LUZP2: variants seen among roughly 807,000 people sequenced by gnomAD.
LUZP2 encodes leucine zipper protein 2.
Under a neutral mutation model 51.6 loss-of-function variants are expected in LUZP2, and 52 were observed. That is an observed-to-expected ratio of 1.01 (90% CI 0.81 to 1.27). The LOEUF (loss-of-function observed/expected upper bound fraction) is 1.27. Ranked by LOEUF, LUZP2 falls within the 50% of genes most tolerant of loss-of-function variation. LUZP2 has a pLI of 0.00. For missense variants in LUZP2, 436 were observed against 395.4 expected, an observed-to-expected ratio of 1.10 and a Z score of -0.87; for synonymous variants, 154 against 137.3, an observed-to-expected ratio of 1.12 and a Z score of -0.85.
At chr11:24,898,553 G>C (rs111846028) in intron 5 of LUZP2, among the ~76,000 whole-genome samples, 3 of 151,926 alleles carry the variant, frequency 2.0e-5, no homozygotes, top group Admixed American at 6.6e-5. Flanking sequence ...AACTTGGGAA[G>C]CAGAGCTTAC....
rs776582449 is a variant in LUZP2, at chr11:24,611,003, GAT to G, written c.62+113701_62+113702del. Among the ~76,000 whole-genome samples the G allele has an allele frequency of 2.0e-5, 3 of 152,028 alleles. No individual in the cohort carries two copies. The highest frequency in any genetic ancestry group is 4.4e-5 in the Non-Finnish European group (3 of 68,014). ...GATTAAACCAGAGTTATACCTACAT[GAT>G]ATGTTTTAGGTCTTAAATTGTTATA... On this transcript the variant is annotated intron_variant, in intron 1 of 11. Coordinates refer to ENST00000336930, the MANE Select transcript of LUZP2 (RefSeq NM_001009909.4). The surrounding 1 kb of genome is among the most constrained non-coding windows in gnomAD (Gnocchi z 4.6).
intron 9 of LUZP2, among the ~76,000 whole-genome samples, chr11:25,008,565 T>G (rs562049820): frequency 4.4e-4 from 67 of 152,308 alleles, no homozygotes; most frequent in African/African-American, 1.6e-3. Flanking sequence ...CAGCAGCTTT[T>G]TATTCCCTGT....
chr11:24,596,829 A>G (rs12292743), intron 1 of LUZP2, among the ~76,000 whole-genome samples: 12,488 of 152,196 alleles, frequency 0.082, 1,517 homozygotes, highest in African/African-American at 0.26. Flanking sequence ...TCACAGGAAT[A>G]ATCTGCTATT....
intron 5 of LUZP2, among the ~76,000 whole-genome samples, chr11:24,826,157 C>T (rs1479213807): frequency 6.4e-4 from 72 of 112,942 alleles, no homozygotes; most frequent in Admixed American, 9.3e-4. Flanking sequence ...GCCTAGGCGA[C>T]AGAGCGAGAC....
At chr11:24,623,373 A>T (rs1360281503) in intron 1 of LUZP2, among the ~76,000 whole-genome samples, 1 of 152,190 alleles carries the variant, frequency 6.6e-6, no homozygotes, top group African/African-American at 2.4e-5. Flanking sequence ...TAGTAAAAGT[A>T]TGTTATCTCT....
chr11:24,777,870 A>T (rs12275925), intron 5 of LUZP2, among the ~76,000 whole-genome samples: 12,195 of 152,178 alleles, frequency 0.08, 1,056 homozygotes, highest in African/African-American at 0.22. Context: ...TACATTTTAA[A>T]GTATATAATA....
chr11:24,892,335 A>C, intron 5 of LUZP2: 1 of 985,454 alleles, frequency 1.0e-6, no homozygotes, highest in Non-Finnish European at 1.2e-6. Flanking sequence ...CTCGAAAGAC[A>C]TTCAAATTAG....
chr11:24,676,798 A>T (rs1856568501), intron 1 of LUZP2, among the ~76,000 whole-genome samples: 1 of 151,954 alleles, frequency 6.6e-6, no homozygotes, highest in African/African-American at 2.4e-5. Context: ...CAAGTAGCTG[A>T]GACTACAGTC....
rs147058166 is a variant in LUZP2 at position 24,565,226 on chromosome 11, G to T, written c.62+67921G>T. Among the ~76,000 whole-genome samples the T allele has an allele frequency of 3.0e-4, 46 of 152,220 alleles. No individual in the cohort carries two copies. In the East Asian group the frequency reaches 8.5e-3, roughly 28 times the overall value. On this transcript the variant is annotated intron_variant, in intron 1 of 11. Coordinates refer to ENST00000336930, the MANE Select transcript of LUZP2 (RefSeq NM_001009909.4). ...GTGTCTAGGACTGGCTGTAAAGAAG[G>T]CTTGATGTATATACTGGCCCCCAGA...
At chr11:24,993,327 G>T (rs930926517) in intron 9 of LUZP2, among the ~76,000 whole-genome samples, 6 of 152,000 alleles carry the variant, frequency 3.9e-5, no homozygotes, top group African/African-American at 1.4e-4. Context: ...AAAAGAGAAG[G>T]TTAAAATGTC....
intron 7 of LUZP2, among the ~76,000 whole-genome samples, chr11:24,941,318 G>T (rs1406580399): frequency 1.3e-5 from 2 of 152,050 alleles, no homozygotes; most frequent in Non-Finnish European, 2.9e-5. Context: ...AATATATCAT[G>T]TCATCATTAT....
intron 5 of LUZP2, among the ~76,000 whole-genome samples, chr11:24,894,100 C>CAATG: frequency 6.6e-6 from 1 of 151,220 alleles, no homozygotes; most frequent in South Asian, 2.1e-4. Flanking sequence ...ACAGAGAAGT[C>CAATG]AATGAATATC....
In LUZP2 at chr11:24,729,221, A is replaced by C. The variant is rs1359923971; in HGVS notation, c.115A>C (p.Ser39Arg). The C allele has an allele frequency of 4.4e-6, 7 of 1,580,008 alleles. No individual in the cohort carries two copies. The highest frequency in any genetic ancestry group is 6.0e-6 in the Non-Finnish European group (7 of 1,157,162). Residue 39 changes from serine (S) to arginine (R), a missense_variant, in exon 2 of 12, where the codon AGC becomes CGC. Physicochemically the swap from Ser to Arg is moderately radical, Grantham distance 110. Transcript: ENST00000336930. ...GCTGAAAGAAGTCTTTAAGGAGCGA[A>C]GCACCATTCTTCGTCAGCTGACAAA... ...KQLKEVFKERSTILRQLTKTS... is the reference protein window; with the variant it reads ...KQLKEVFKERRTILRQLTKTS...
intron 1 of LUZP2, among the ~76,000 whole-genome samples, chr11:24,553,478 T>C (rs1851777600): frequency 6.6e-6 from 1 of 152,090 alleles, no homozygotes; most frequent in South Asian, 2.1e-4. Flanking sequence ...GAAAAAGGTA[T>C]TTTGAATGTT....
chr11:24,745,047 T>C (rs1303746122), intron 4 of LUZP2, among the ~76,000 whole-genome samples: 2 of 152,138 alleles, frequency 1.3e-5, no homozygotes, highest in African/African-American at 4.8e-5. Context: ...TGATTTCCAG[T>C]TTTTTTCCAC....
At chr11:24,662,981 G>A (rs1856070426) in intron 1 of LUZP2, among the ~76,000 whole-genome samples, 1 of 151,720 alleles carries the variant, frequency 6.6e-6, no homozygotes, top group Admixed American at 6.6e-5. Context: ...AAATAGGAAA[G>A]GGAAAAATCA....
intron 1 of LUZP2, among the ~76,000 whole-genome samples, chr11:24,502,141 C>A (rs1850012827): frequency 7.2e-6 from 1 of 139,750 alleles, no homozygotes; most frequent in South Asian, 2.1e-4. Flanking sequence ...AAGTACTCAA[C>A]AAAGGTTAGC....
intron 1 of LUZP2, among the ~76,000 whole-genome samples, chr11:24,610,444 A>G (rs1201054479): frequency 6.6e-6 from 1 of 152,204 alleles, no homozygotes; most frequent in Non-Finnish European, 1.5e-5. Flanking sequence ...AGGAACTGTG[A>G]TTAGAAAACA....
intron 5 of LUZP2, among the ~76,000 whole-genome samples, chr11:24,832,943 G>A (rs965149567): frequency 6.6e-6 from 1 of 152,078 alleles, no homozygotes; most frequent in Non-Finnish European, 1.5e-5. Flanking sequence ...CCAGAGGTCT[G>A]GATTTCAATT....
Sources: gnomAD v4.1 joint callset for allele counts (sites outside exome capture counted in the v4.1 genomes callset) on GRCh38, gnomAD v4.1.1 for gene constraint, Gnocchi (gnomAD v3.1) non-coding constraint, MANE v1.5 for transcripts, NCBI Gene and HGNC (gene_info 2026-07-23, HGNC 2026-07-21) for gene names.